Variants in CLEC16A observed in about 807,000 individuals in gnomAD.
CLEC16A encodes the protein C-type lectin domain containing 16A, also known as protein CLEC16A.
CLEC16A carries 51 observed loss-of-function variants against 109.5 expected under a neutral mutation model. The observed-to-expected ratio is 0.47, with a 90% CI of 0.37 to 0.59. The LOEUF (loss-of-function observed/expected upper bound fraction) is 0.59. CLEC16A is among the 20% of genes least tolerant of loss of function. The pLI is 0.00. For synonymous variants in CLEC16A, 673 were observed against 564.2 expected (o/e 1.19, Z -2.73); for missense variants, 1,339 against 1,394.0 (o/e 0.96, Z 0.63).
chr16:11,094,866 A>G (rs1230832517), intron 19 of CLEC16A, among the ~76,000 whole-genome samples: 5 of 152,258 alleles, frequency 3.3e-5, no homozygotes, highest in African/African-American at 2.4e-5. Flanking sequence ...GCAGGGGGCT[A>G]TTTAAAGGGG....
intron 7 of CLEC16A, among the ~76,000 whole-genome samples, chr16:10,976,262 C>G (rs371727473): frequency 9.2e-5 from 14 of 151,852 alleles, no homozygotes; most frequent in African/African-American, 2.2e-4. Flanking sequence ...AAAACAAGAC[C>G]CTATCTCAAA....
At chr16:11,063,178 G>A (rs2048578013) in intron 19 of CLEC16A, among the ~76,000 whole-genome samples, 1 of 152,006 alleles carries the variant, frequency 6.6e-6, no homozygotes, top group African/African-American at 2.4e-5. Flanking sequence ...CTTTTGCTAA[G>A]GAGGGCGACT....
rs572662476 is a variant in CLEC16A at position 11,022,280 on chromosome 16, C to T, written c.1436+1955C>T. On this transcript the variant is annotated intron_variant, in intron 12 of 23. Transcript: ENST00000409790. ...GCTTGTAAGAAACTGCCACTGCCCT[C>T]TGTCCCCCCAACTTGAGCAGTTGGG... 8.1e-4 allele frequency among the ~76,000 whole-genome samples: 122 copies of T among 150,738 alleles called. 1 individual carries two copies. Among genetic ancestry groups the T allele is most frequent in the Non-Finnish European group, 4.3e-4 (29 of 67,852 alleles).
chr16:11,028,604 T>C (rs1246976208), intron 13 of CLEC16A, among the ~76,000 whole-genome samples: 1 of 148,600 alleles, frequency 6.7e-6, no homozygotes, highest in Admixed American at 6.7e-5. Context: ...GCTTTGATCA[T>C]TGATTTTTTA....
At chr16:11,053,869 C>T (rs1441637643) in intron 18 of CLEC16A, among the ~76,000 whole-genome samples, 1 of 152,236 alleles carries the variant, frequency 6.6e-6, no homozygotes, top group African/African-American at 2.4e-5. Context: ...AGCAAAAACA[C>T]AGCCCCAGTC....
chr16:11,143,567 A>C (rs1221210496), intron 22 of CLEC16A, among the ~76,000 whole-genome samples: 1 of 152,198 alleles, frequency 6.6e-6, no homozygotes, highest in Non-Finnish European at 1.5e-5. Context: ...CAAAGGGCTT[A>C]AGTGAAGCTA....
chr16:11,047,365 C>A, intron 17 of CLEC16A, 23 bp downstream of exon 17: 2 of 1,592,660 alleles, frequency 1.3e-6, no homozygotes, highest in Non-Finnish European at 1.7e-6. Context: ...CTGGGACACA[C>A]TTGGGCTGGT....
intron 20 of CLEC16A, among the ~76,000 whole-genome samples, chr16:11,121,483 C>G (rs1254091127): frequency 1.3e-5 from 2 of 152,180 alleles, no homozygotes; most frequent in Non-Finnish European, 2.9e-5. Flanking sequence ...TGTGAATTCC[C>G]TTCCGCTCAA....
intron 3 of CLEC16A, among the ~76,000 whole-genome samples, chr16:10,966,381 G>A (rs1344554682): frequency 6.6e-6 from 1 of 152,198 alleles, no homozygotes; most frequent in African/African-American, 2.4e-5. Flanking sequence ...GCTAGAAGCA[G>A]AATAAGGGTT....
At chr16:11,125,958 C>A in intron 21 of CLEC16A, 21 bp from the exon 22 acceptor site, 1 of 1,420,528 alleles carries the variant, frequency 7.0e-7, no homozygotes, top group East Asian at 3.4e-5. Context: ...CAGAGTGAAC[C>A]ATGCTATTGT....
At chr16:10,950,284 G>T (rs146788338) in intron 1 of CLEC16A, among the ~76,000 whole-genome samples, 157 of 152,290 alleles carry the variant, frequency 1.0e-3, no homozygotes, top group African/African-American at 3.6e-3. Flanking sequence ...GTTCAGCTGG[G>T]TACTGGTATG....
At chr16:11,175,639 G>A (rs2068720085) in intron 23 of CLEC16A, among the ~76,000 whole-genome samples, 1 of 152,254 alleles carries the variant, frequency 6.6e-6, no homozygotes, top group Non-Finnish European at 1.5e-5. Flanking sequence ...TGATGGGTAA[G>A]AAGAGGTTAT....
intron 16 of CLEC16A, among the ~76,000 whole-genome samples, chr16:11,044,970 C>T (rs958945724): frequency 1.3e-5 from 2 of 150,944 alleles, no homozygotes; most frequent in African/African-American, 4.9e-5. Context: ...TTTGTTTTAG[C>T]TTTTAAGGCA....
rs1022547225 is a variant in CLEC16A at position 11,118,355 on chromosome 16, C to G, written c.2117-2260C>G. Among the ~76,000 whole-genome samples, 6 of 121,958 alleles carry G rather than the reference C, an allele frequency of 4.9e-5. 1 individual carries two copies. In the East Asian group the frequency reaches 1.3e-3, roughly 25 times the overall value. 80.0% of individuals were successfully genotyped at this position (121,958 alleles called of 152,430 possible). A position where few individuals can be genotyped will look rare whatever the true frequency, so the allele number is the denominator to read the frequency against. ...GCCTTTTCTCATTTAACGCACCAAACAATTCAAGATAAGGGACGTTAATTC... is the reference window on the plus strand; with the variant it reads ...GCCTTTTCTCATTTAACGCACCAAAGAATTCAAGATAAGGGACGTTAATTC... On this transcript the variant is annotated intron_variant, in intron 19 of 23. Transcript: ENST00000409790.
chr16:10,962,775 T>C (rs1433566820), intron 3 of CLEC16A, among the ~76,000 whole-genome samples, 187 bp downstream of exon 3: 3 of 152,210 alleles, frequency 2.0e-5, no homozygotes, highest in South Asian at 2.1e-4. Context: ...AAGTCCAAGA[T>C]TGGCCAGGCA....
chr16:11,059,646 A>T (rs2048378208), intron 18 of CLEC16A, among the ~76,000 whole-genome samples: 1 of 152,178 alleles, frequency 6.6e-6, no homozygotes, highest in South Asian at 2.1e-4. Flanking sequence ...TCCAGACTGC[A>T]GCCTTCAGAG....
intron 10 of CLEC16A, among the ~76,000 whole-genome samples, chr16:10,999,811 C>T (rs1341851972): frequency 1.3e-5 from 2 of 151,984 alleles, no homozygotes; most frequent in Non-Finnish European, 2.9e-5. Flanking sequence ...TTCACCGTTT[C>T]GGCACTCTCT....
intron 9 of CLEC16A, among the ~76,000 whole-genome samples, chr16:10,982,446 A>G (rs991991157): frequency 2.0e-5 from 3 of 152,184 alleles, no homozygotes; most frequent in Admixed American, 2.0e-4. Context: ...GATTGGAACA[A>G]AACTCTCCGG....
intron 17 of CLEC16A, among the ~76,000 whole-genome samples, chr16:11,051,003 CTG>C (rs371885576): frequency 4.5e-4 from 69 of 152,324 alleles, no homozygotes; most frequent in African/African-American, 1.6e-3. Flanking sequence ...TTCTCTGAGA[CTG>C]TGTTCCCTCA....
Sources: gnomAD v4.1 joint callset for allele counts (sites outside exome capture counted in the v4.1 genomes callset) on GRCh38, gnomAD v4.1.1 for gene constraint, MANE v1.5 for transcripts, NCBI Gene and HGNC (gene_info 2026-07-23, HGNC 2026-07-21) for gene names.